N4BP2: variants seen among roughly 807,000 people sequenced by gnomAD.
N4BP2 encodes the protein NEDD4-binding protein 2.
A neutral mutation model predicts 152.8 loss-of-function variants in N4BP2; 91 were observed. The ratio of observed to expected loss-of-function variants is 0.60; its 90% CI spans 0.50 to 0.71. The LOEUF is 0.71. Among genes scored for constraint, N4BP2 ranks in the 30% least tolerant of loss-of-function variants. The probability of loss-of-function intolerance (pLI) is 0.00; values close to 1 mark genes in which losing one functional copy is unlikely to be tolerated. For missense variants in N4BP2, 1,923 were observed against 2,059.1 expected, an observed-to-expected ratio of 0.93 and a Z score of 1.28; for synonymous variants, 646 against 705.3, an observed-to-expected ratio of 0.92 and a Z score of 1.33.
At chr4:40,084,913 C>CTTTT (rs569261971) in intron 2 of N4BP2, among the ~76,000 whole-genome samples, 2 of 121,022 alleles carry the variant, frequency 1.7e-5, no homozygotes, top group Non-Finnish European at 3.5e-5. Context: ...CAGCGCCTGG[C>CTTTT]TTTTTTTTTT....
rs749874685 is a variant in N4BP2 at position 40,126,114 on chromosome 4, G to C, written c.4331-20G>C. On this transcript the variant is annotated intron_variant, in intron 11 of 17. Coordinates refer to ENST00000261435, the MANE Select transcript of N4BP2 (RefSeq NM_018177.6). ...TACATTTATTGTTGAGAGTATGACAGTATTTATACTACTTTGTAGATCCTT... is the reference window on the plus strand; with the variant it reads ...TACATTTATTGTTGAGAGTATGACACTATTTATACTACTTTGTAGATCCTT... The C allele has an allele frequency of 1.4e-6, 2 of 1,458,738 alleles. No homozygotes were observed. Among genetic ancestry groups the C allele is most frequent in the Non-Finnish European group, 1.9e-6 (2 of 1,079,242 alleles). 90.4% of individuals were successfully genotyped at this position (1,458,738 alleles called of 1,614,324 possible).
intron 15 of N4BP2, 97 bp downstream of exon 15, chr4:40,142,958 T>C: frequency 2.1e-6 from 2 of 974,546 alleles, no homozygotes; most frequent in South Asian, 1.6e-5. Flanking sequence ...GATTAAGTTA[T>C]TCTGGGGAAT....
intron 2 of N4BP2, among the ~76,000 whole-genome samples, chr4:40,074,619 G>A (rs754926859): frequency 2.0e-5 from 3 of 152,174 alleles, no homozygotes; most frequent in South Asian, 4.1e-4. Context: ...AAGAGCTTTC[G>A]TGGTATAAGA....
chr4:40,062,057 T>C (rs1733697803), intron 1 of N4BP2, among the ~76,000 whole-genome samples: 1 of 148,446 alleles, frequency 6.7e-6, no homozygotes, highest in Admixed American at 7.1e-5. Flanking sequence ...GTTTTGTTTT[T>C]ACTGCTTTAT....
At chr4:40,153,354 G>T (rs1320765944) in intron 17 of N4BP2, among the ~76,000 whole-genome samples, 1 of 152,116 alleles carries the variant, frequency 6.6e-6, no homozygotes, top group Non-Finnish European at 1.5e-5. Flanking sequence ...GATGGAATTG[G>T]GTGGCTTCTA....
chr4:40,084,685 A>G (rs1231708000), intron 2 of N4BP2, among the ~76,000 whole-genome samples: 1 of 147,250 alleles, frequency 6.8e-6, no homozygotes, highest in African/African-American at 2.5e-5. Flanking sequence ...GCTGGAGTGC[A>G]GTGGCATGAT....
intron 13 of N4BP2, among the ~76,000 whole-genome samples, chr4:40,133,055 T>A (rs1719039325): frequency 6.6e-6 from 1 of 152,198 alleles, no homozygotes; most frequent in Non-Finnish European, 1.5e-5. Context: ...AAGAACTTAG[T>A]ACCTTGAAGG....
chr4:40,164,653 A>G, the N4BP2 span, among the ~76,000 whole-genome samples: 1 of 152,208 alleles, frequency 6.6e-6, no homozygotes, highest in South Asian at 2.1e-4. Flanking sequence ...TGGAGAGACG[A>G]GATAGATAGG....
intron 14 of N4BP2, among the ~76,000 whole-genome samples, 155 bp from the exon 15 acceptor site, chr4:40,142,518 G>A (rs916117967): frequency 6.6e-6 from 1 of 152,186 alleles, no homozygotes; most frequent in African/African-American, 2.4e-5. Context: ...ATAAATGCCT[G>A]ACTTACAAGG....
At chr4:40,065,655 G>A (rs1429492913) in intron 1 of N4BP2, among the ~76,000 whole-genome samples, 2 of 152,118 alleles carry the variant, frequency 1.3e-5, no homozygotes, top group African/African-American at 2.4e-5. Context: ...AACTGAAACC[G>A]TATAGGAAAT....
intron 1 of N4BP2, among the ~76,000 whole-genome samples, chr4:40,063,257 T>C (rs1733798591): frequency 6.6e-6 from 1 of 152,220 alleles, no homozygotes; most frequent in South Asian, 2.1e-4. Flanking sequence ...CATATGACCA[T>C]ATAATAGGCA....
At chr4:40,076,981 TG>T (rs1230505254) in intron 2 of N4BP2, among the ~76,000 whole-genome samples, 4 of 152,150 alleles carry the variant, frequency 2.6e-5, no homozygotes, top group African/African-American at 9.7e-5. Context: ...GAACATGCTA[TG>T]TTTGGGTCCT....
chr4:40,184,571 A>G, the N4BP2 span, among the ~76,000 whole-genome samples: 1 of 152,208 alleles, frequency 6.6e-6, no homozygotes, highest in Non-Finnish European at 1.5e-5. Context: ...TGAAAAAATT[A>G]TCTCCAATTT....
At chr4:40,106,364 T>G (rs1039785282) in intron 4 of N4BP2, among the ~76,000 whole-genome samples, 4 of 152,100 alleles carry the variant, frequency 2.6e-5, no homozygotes, top group Non-Finnish European at 4.4e-5. Context: ...TTATTCTGAC[T>G]CCAGTGCAGT....
At chr4:40,077,409 A>G (rs1406086286) in intron 2 of N4BP2, among the ~76,000 whole-genome samples, 2 of 151,558 alleles carry the variant, frequency 1.3e-5, no homozygotes, top group Non-Finnish European at 2.9e-5. Context: ...CGGCCTCCCA[A>G]AGTGCTGGGA....
At chr4:40,071,811 C>G (rs1024747402) in intron 1 of N4BP2, among the ~76,000 whole-genome samples, 1 of 152,096 alleles carries the variant, frequency 6.6e-6, no homozygotes, top group Admixed American at 6.6e-5. Context: ...GGTGATCCTC[C>G]TGCCTTGGCC....
chr4:40,161,886 T>TTAC (rs1397510423), downstream of N4BP2, among the ~76,000 whole-genome samples: 1 of 152,168 alleles, frequency 6.6e-6, no homozygotes, highest in Non-Finnish European at 1.5e-5. Context: ...TTAACCTGCA[T>TTAC]AGTAGCTGCT....
Position 40,113,534 on chromosome 4 carries a change from G to T in N4BP2, c.1664+26G>T, listed in dbSNP as rs202073676. 124 of 1,511,578 alleles carry T rather than the reference G, an allele frequency of 8.2e-5. No individual in the cohort carries two copies. In the African/African-American group the frequency reaches 1.6e-3, roughly 19 times the overall value. 93.6% of individuals were successfully genotyped at this position (1,511,578 alleles called of 1,614,324 possible). A position where few individuals can be genotyped will look rare whatever the true frequency, so the allele number is the denominator to read the frequency against. Reference sequence around the variant, plus strand: ...GTAAAACTTGGAGGCTACCTAACATGCTTTTTATGTAACGACAGACAGACA... The same window carrying T: ...GTAAAACTTGGAGGCTACCTAACATTCTTTTTATGTAACGACAGACAGACA... On this transcript the variant is annotated intron_variant, in intron 7 of 17. Coordinates refer to ENST00000261435, the MANE Select transcript of N4BP2 (RefSeq NM_018177.6).
intron 1 of N4BP2, among the ~76,000 whole-genome samples, chr4:40,068,760 GTT>G (rs1711813656): frequency 6.6e-6 from 1 of 152,150 alleles, no homozygotes; most frequent in Non-Finnish European, 1.5e-5. Flanking sequence ...GAGGCCTCCA[GTT>G]TTGTTTTTCT....
Sources: allele counts gnomAD v4.1 joint callset (sites outside exome capture counted in the v4.1 genomes callset), GRCh38; gene constraint gnomAD v4.1.1; transcripts MANE v1.5; gene names NCBI Gene and HGNC (gene_info 2026-07-23, HGNC 2026-07-21).